The following PASD1 variants were observed in gnomAD, a reference collection of about 807,000 sequenced individuals.
The protein encoded by PASD1 is PAS domain containing repressor 1, also known as circadian clock protein PASD1.
Under a neutral mutation model 58.8 loss-of-function variants are expected in PASD1, and 13 were observed. The ratio of observed to expected loss-of-function variants is 0.22; its 90% CI spans 0.14 to 0.35. PASD1 has a LOEUF of 0.35. PASD1 is among the 10% of genes least tolerant of loss of function. The pLI, the probability that PASD1 is intolerant of heterozygous loss-of-function variation, is 1.00. For synonymous variants in PASD1, 236 were observed against 216.7 expected, an observed-to-expected ratio of 1.09 and a Z score of -0.78; for missense variants, 734 against 568.3, an observed-to-expected ratio of 1.29 and a Z score of -2.96.
Position 151,672,355 on chromosome X carries a change from G to A in PASD1, c.1610G>A (p.Arg537Gln), listed in dbSNP as rs41302166. The A allele has an allele frequency of 1.0e-5, 12 of 1,190,901 alleles. No homozygotes were observed. The highest frequency in any genetic ancestry group is 2.5e-4 in the Middle Eastern group (1 of 3,963). Residue 537 changes from arginine (R) to glutamine (Q), a missense_variant, in exon 14 of 16, where the codon CGG (arginine) becomes CAG (glutamine). By Grantham distance (43) the Arg-to-Gln change is conservative. Transcript: ENST00000370357. ...QEKKKLQEQR[R>Q]QKKKKLQERK... ...AAGAAGAAGCTGCAGGAGCAGAGGCGGCAAAAGAAGAAGAAGCTACAGGAG... is the reference window on the plus strand; with the variant it reads ...AAGAAGAAGCTGCAGGAGCAGAGGCAGCAAAAGAAGAAGAAGCTACAGGAG...
chrX:151,639,295 C>T (rs189384334), intron 8 of PASD1, among the ~76,000 whole-genome samples: 8 of 112,252 alleles, frequency 7.1e-5, no homozygotes, highest in Admixed American at 3.8e-4. Context: ...ATACTTATTA[C>T]AATTTTTAAC....
chrX:151,673,952 G>C lies in PASD1; in HGVS notation c.1941G>C (p.Gly647=), dbSNP rs752788933. Residue 647 remains glycine, a synonymous_variant, in exon 15 of 16, where the codon GGG becomes GGC. Transcript: ENST00000370357. ...SQSFYPEAYQ[G]PPVNQLPLID... ...GTTTTTATCCTGAGGCGTATCAAGG[G>C]CCCCCCGTGAACCAGCTGCCATTGA... is the stretch of plus-strand genomic sequence containing the variant. The C allele has an allele frequency of 6.6e-6, 8 of 1,209,133 alleles. No homozygotes were observed. The South Asian group carries it at 1.2e-4, about 19-fold the overall frequency.
chrX:151,671,450 T>C (rs1160815024), intron 12 of PASD1, 123 bp from the exon 13 acceptor site: 4 of 885,854 alleles, frequency 4.5e-6, no homozygotes, highest in Non-Finnish European at 6.4e-6. Flanking sequence ...ATGTGGCTTA[T>C]ATATAGCCAA....
intron 11 of PASD1, among the ~76,000 whole-genome samples, chrX:151,665,854 G>A (rs1281082903): frequency 1.9e-5 from 2 of 107,402 alleles, no homozygotes; most frequent in Non-Finnish European, 3.8e-5. Context: ...AGGGGTGTGT[G>A]TGTGTGTCTG....
rs746599666 is a variant in PASD1, at chrX:151,648,998, G to A, written c.717+296G>A. Among the ~76,000 whole-genome samples, 7 of 112,207 alleles carry A rather than the reference G, an allele frequency of 6.2e-5. No homozygotes were observed. In the East Asian group the frequency reaches 1.9e-3, roughly 31 times the overall value. On this transcript the variant is annotated intron_variant, in intron 9 of 15. Transcript: ENST00000370357. ...AAGTTTACTTACTGACCTGCCTGGT[G>A]TAGAAAGCCATGAAGGCTAGAACCT...
intron 14 of PASD1, 93 bp downstream of exon 14, chrX:151,672,754 T>C: frequency 8.8e-7 from 1 of 1,135,844 alleles, no homozygotes; most frequent in Non-Finnish European, 1.2e-6. Flanking sequence ...AGACGACCTA[T>C]CCATGTGGCA....
chrX:151,659,831 C>T lies in PASD1; in HGVS notation c.836C>T (p.Ser279Phe). 8.3e-7 allele frequency: 1 copy of T among 1,204,841 alleles called. No individual in the cohort carries two copies. The highest frequency in any genetic ancestry group is 1.1e-6 in the Non-Finnish European group (1 of 890,950). Reference protein sequence around the residue: ...STVFLDTMPESPALSLQDFRG... With the variant: ...STVFLDTMPEFPALSLQDFRG... ...GTTTTCCTGGATACTATGCCTGAATCTCCAGGTAGGTACATTTATGCATTT... is the reference window on the plus strand; with the variant it reads ...GTTTTCCTGGATACTATGCCTGAATTTCCAGGTAGGTACATTTATGCATTT... The change falls in exon 10 of 16, where the codon TCT becomes TTT. Residue 279 changes from serine (S) to phenylalanine (F), a missense_variant. Coordinates refer to ENST00000370357, the MANE Select transcript of PASD1 (RefSeq NM_173493.3).
At chrX:151,650,110 G>C (rs971261854) in intron 9 of PASD1, among the ~76,000 whole-genome samples, 15 of 111,781 alleles carry the variant, frequency 1.3e-4, no homozygotes, top group Non-Finnish European at 2.4e-4. Flanking sequence ...GCAGTGTTCT[G>C]TTTACACACA....
intron 1 of PASD1, among the ~76,000 whole-genome samples, chrX:151,595,448 G>T (rs2013307507): frequency 9.0e-6 from 1 of 111,135 alleles, no homozygotes; most frequent in South Asian, 3.8e-4. Flanking sequence ...GCCGGGCGCA[G>T]TGGCTTACGC....
At chrX:151,593,695 C>T (rs1430969330) in intron 1 of PASD1, among the ~76,000 whole-genome samples, 12 of 111,307 alleles carry the variant, frequency 1.1e-4, no homozygotes, top group African/African-American at 3.9e-4. Flanking sequence ...AATAGTGCTG[C>T]AATAAACATA....
At chrX:151,590,115 A>G (rs2013224650) in intron 1 of PASD1, among the ~76,000 whole-genome samples, 1 of 112,005 alleles carries the variant, frequency 8.9e-6, no homozygotes, top group Non-Finnish European at 1.9e-5. Context: ...GGGTGGGAGG[A>G]TAAAGGGAGC....
rs761681336 is a variant in PASD1, at chrX:151,672,238, A to ATCCC, written c.1493_1494insTCCC (p.Glu498AspfsTer79). ...AAGGAGCAGCAGCGGCAGCTGCGGG[A>ATCCC]GCAGCTGCAACAGCTGAGAGAGCAA... On this transcript the variant is annotated frameshift_variant, in exon 14 of 16. Transcript: ENST00000370357. LOFTEE classifies it high-confidence loss of function. The ATCCC allele has an allele frequency of 1.6e-5, 19 of 1,162,416 alleles. No homozygotes were observed. The highest frequency in any genetic ancestry group is 2.2e-5 in the Non-Finnish European group (19 of 871,351).
At chrX:151,594,424 C>G (rs1485529020) in intron 1 of PASD1, among the ~76,000 whole-genome samples, 1 of 111,415 alleles carries the variant, frequency 9.0e-6, no homozygotes, top group Non-Finnish European at 1.9e-5. Context: ...TCCATTTTAT[C>G]TCTTTTTTGA....
chrX:151,601,669 C>T, intron 2 of PASD1, 88 bp downstream of exon 2: 1 of 957,370 alleles, frequency 1.0e-6, no homozygotes, highest in Non-Finnish European at 1.5e-6. Context: ...ATGCTACTTC[C>T]TCAGGGAAGC....
At chrX:151,598,651 A>G (rs2013353800) in intron 1 of PASD1, among the ~76,000 whole-genome samples, 1 of 110,861 alleles carries the variant, frequency 9.0e-6, no homozygotes, top group Non-Finnish European at 1.9e-5. Flanking sequence ...TAATTTCCCT[A>G]TCTGATGTTT....
At chrX:151,637,269 C>T (rs1037365415) in intron 8 of PASD1, among the ~76,000 whole-genome samples, 5 of 112,449 alleles carry the variant, frequency 4.4e-5, no homozygotes, top group African/African-American at 1.3e-4. Context: ...TTAGTACATA[C>T]AGTAATTGTA....
rs777902312 is a variant in PASD1 at position 151,646,361 on chromosome X, C to T, written c.630-2254C>T. On this transcript the variant is annotated intron_variant, in intron 8 of 15. Coordinates refer to ENST00000370357, the MANE Select transcript of PASD1 (RefSeq NM_173493.3). The stretch of plus-strand genomic sequence containing the variant: ...ACATATTGCTGTCAAAGAGTTTTGT[C>T]CAGTAAAACTTACTGCATCCTTTAA... Among the ~76,000 whole-genome samples, 4 of 112,192 alleles carry T rather than the reference C, an allele frequency of 3.6e-5. No homozygotes were observed. The East Asian group carries it at 1.1e-3, about 31-fold the overall frequency.
chrX:151,595,358 T>C (rs1245171894), intron 1 of PASD1, among the ~76,000 whole-genome samples: 2 of 111,282 alleles, frequency 1.8e-5, no homozygotes, highest in African/African-American at 6.6e-5. Context: ...GTGGTGGTTA[T>C]TTAGTTTTGT....
Position 151,672,226 on chromosome X carries a change from G to GGCAGCT in PASD1, c.1484_1489dup (p.Gln495_Leu496dup). The GGCAGCT allele has an allele frequency of 8.8e-7, 1 of 1,137,203 alleles. No individual in the cohort carries two copies. The highest frequency in any genetic ancestry group is 2.0e-5 in the South Asian group (1 of 50,898). The allele number at this position is 1,137,203 out of a possible 1,213,427, so 93.7% of individuals were successfully genotyped here. ...GAACAACACCTGAAGGAGCAGCAGC[G>GGCAGCT]GCAGCTGCGGGAGCAGCTGCAACAG... On this transcript the variant is annotated inframe_insertion, in exon 14 of 16. Coordinates refer to ENST00000370357, the MANE Select transcript of PASD1 (RefSeq NM_173493.3).
Sources: gnomAD v4.1 joint callset for allele counts (sites outside exome capture counted in the v4.1 genomes callset) on GRCh38, gnomAD v4.1.1 for gene constraint, MANE v1.5 for transcripts, NCBI Gene and HGNC (gene_info 2026-07-23, HGNC 2026-07-21) for gene names.